The following ACVR1 variants were observed in gnomAD, a reference collection of about 807,000 sequenced individuals.
The protein encoded by ACVR1 is activin A receptor type 1.
A neutral mutation model predicts 57.1 loss-of-function variants in ACVR1; 38 were observed. That is an observed-to-expected ratio of 0.67 (90% CI 0.51 to 0.87). The LOEUF (loss-of-function observed/expected upper bound fraction) is 0.87. Ranked by LOEUF, ACVR1 falls within the 40% of genes least tolerant of loss-of-function variation. The pLI is 0.00. For synonymous variants in ACVR1, 212 were observed against 228.1 expected, an observed-to-expected ratio of 0.93 and a Z score of 0.63; for missense variants, 463 against 638.2, an observed-to-expected ratio of 0.73 and a Z score of 2.96.
At chr2:157,860,617 CT>C (rs1402197856) in intron 1 of ACVR1, among the ~76,000 whole-genome samples, 2 of 152,148 alleles carry the variant, frequency 1.3e-5, no homozygotes, top group African/African-American at 4.8e-5. Flanking sequence ...ATTTGAGGAC[CT>C]TTTTTGGTGA....
At chr2:157,795,858 T>C (rs909328396) in intron 3 of ACVR1, among the ~76,000 whole-genome samples, 1 of 152,080 alleles carries the variant, frequency 6.6e-6, no homozygotes, top group Non-Finnish European at 1.5e-5. Flanking sequence ...CATTTCCACT[T>C]CTTTGTCTCT....
At chr2:157,761,099 T>G (rs370337634) in intron 8 of ACVR1, 22 bp from the exon 9 acceptor site, 1 of 1,611,780 alleles carries the variant, frequency 6.2e-7, no homozygotes, top group South Asian at 1.1e-5. Context: ...AAGATAACAA[T>G]GTAATCAACC....
chr2:157,750,185 G>A (rs1001471887), intron 9 of ACVR1, among the ~76,000 whole-genome samples: 5 of 152,214 alleles, frequency 3.3e-5, no homozygotes, highest in African/African-American at 1.2e-4. Flanking sequence ...AGGCCCAATG[G>A]CTGGCCCATT....
At chr2:157,830,278 A>C (rs1688537237) in intron 1 of ACVR1, among the ~76,000 whole-genome samples, 1 of 152,214 alleles carries the variant, frequency 6.6e-6, no homozygotes, top group Non-Finnish European at 1.5e-5. Context: ...GTACCCTGAT[A>C]ATGGATTCAA....
At chr2:157,789,721 G>C (rs1686838563) in intron 3 of ACVR1, among the ~76,000 whole-genome samples, 1 of 152,228 alleles carries the variant, frequency 6.6e-6, no homozygotes, top group Non-Finnish European at 1.5e-5. Flanking sequence ...TTGTACTTGT[G>C]CCAATATTTG....
intron 2 of ACVR1, among the ~76,000 whole-genome samples, chr2:157,810,796 T>C (rs1257037095): frequency 6.6e-6 from 1 of 152,154 alleles, no homozygotes; most frequent in African/African-American, 2.4e-5. Flanking sequence ...CACCGAACAC[T>C]TTCTAGAACA....
Position 157,737,615 on chromosome 2 carries a change from T to C in ACVR1, c.1446A>G (p.Pro482=), listed in dbSNP as rs1378718953. 2 of 1,614,036 alleles carry C rather than the reference T, an allele frequency of 1.2e-6. No homozygotes were observed. The highest frequency in any genetic ancestry group is 3.3e-5 in the Admixed American group (2 of 60,002). The change falls in exon 11 of 11, where the codon CCA becomes CCG. Residue 482 remains proline (P), a synonymous_variant. Transcript: ENST00000434821. ...TACGCAGTGCTGTGAGTCTTGCGGA[T>C]GGATTTTGATACCAGCATTCTTTCA... ...KLMKECWYQN[P]SARLTALRIK...
intron 1 of ACVR1, among the ~76,000 whole-genome samples, chr2:157,849,103 G>A (rs1689216625): frequency 6.6e-6 from 1 of 152,072 alleles, no homozygotes; most frequent in Non-Finnish European, 1.5e-5. Context: ...CTCTCACCTA[G>A]ACCAGTACTT....
chr2:157,828,224 G>T (rs1332065123), intron 1 of ACVR1, among the ~76,000 whole-genome samples: 1 of 152,136 alleles, frequency 6.6e-6, no homozygotes, highest in Non-Finnish European at 1.5e-5. Flanking sequence ...CAGGCAGGCA[G>T]ATCACCTGAG....
chr2:157,769,465 T>A (rs1025729784), intron 7 of ACVR1, among the ~76,000 whole-genome samples: 22 of 152,014 alleles, frequency 1.4e-4, no homozygotes, highest in African/African-American at 4.8e-4. Context: ...ACTGAAAAAA[T>A]TTTGAGATGG....
At chr2:157,849,497 A>G (rs969316584) in intron 1 of ACVR1, among the ~76,000 whole-genome samples, 1 of 152,212 alleles carries the variant, frequency 6.6e-6, no homozygotes, top group African/African-American at 2.4e-5. Flanking sequence ...GAAAATATCC[A>G]AACACTAGGA....
chr2:157,833,713 C>G (rs1485786334), intron 1 of ACVR1, among the ~76,000 whole-genome samples: 1 of 150,146 alleles, frequency 6.7e-6, no homozygotes, highest in Admixed American at 6.6e-5. Context: ...TTTTTACTTT[C>G]TAAATCCAAG....
intron 9 of ACVR1, 36 bp downstream of exon 9, chr2:157,760,844 G>A: frequency 6.3e-7 from 1 of 1,599,610 alleles, no homozygotes; most frequent in Non-Finnish European, 8.6e-7. Context: ...AAGAGAACTT[G>A]GATTAAGACA....
intron 1 of ACVR1, among the ~76,000 whole-genome samples, chr2:157,851,621 A>C (rs1213828661): frequency 6.6e-6 from 1 of 152,186 alleles, no homozygotes; most frequent in Admixed American, 6.5e-5. Flanking sequence ...GATAAATAGA[A>C]GCTACATTTA....
At chr2:157,769,508 T>G (rs780645704) in intron 7 of ACVR1, among the ~76,000 whole-genome samples, 1 of 152,236 alleles carries the variant, frequency 6.6e-6, no homozygotes, top group Non-Finnish European at 1.5e-5. Flanking sequence ...AGCAAAGCTT[T>G]GAAGCTTTGG....
intron 2 of ACVR1, among the ~76,000 whole-genome samples, chr2:157,817,114 C>A (rs1281024204): frequency 6.6e-6 from 1 of 152,124 alleles, no homozygotes; most frequent in Non-Finnish European, 1.5e-5. Context: ...AACCTGCCAA[C>A]ACACCTGGCT....
rs934382490 is a variant in ACVR1, at chr2:157,766,002, T to A, written c.985A>T (p.Lys329Ter). The A allele has an allele frequency of 6.2e-7, 1 of 1,614,074 alleles. No homozygotes were observed. Among genetic ancestry groups the A allele is most frequent in the Non-Finnish European group, 8.5e-7 (1 of 1,180,006 alleles). ...LHIEIFGTQG[K>*]PAIAHRDLKS... ...AAATCTCGATGGGCAATGGCTGGTT[T>A]CCCTTGGGTCCCAAATATCTCTATG... Residue 329 changes from lysine to a stop codon, truncating the protein, a stop_gained, in exon 8 of 11, where the codon AAA (lysine) becomes TAA (stop). Coordinates refer to ENST00000434821, the MANE Select transcript of ACVR1 (RefSeq NM_001111067.4). LOFTEE classifies it high-confidence loss of function.
chr2:157,737,742 C>G (rs1684590559), intron 10 of ACVR1, 77 bp from the exon 11 acceptor site: 2 of 1,578,358 alleles, frequency 1.3e-6, no homozygotes, highest in Admixed American at 1.7e-5. Flanking sequence ...GATATCATGT[C>G]TACTATTCTG....
At position 157,780,709 on chromosome 2, in the gene ACVR1, T is replaced by C. The variant is rs1686484663; in HGVS notation, c.68-109A>G. The C allele has an allele frequency of 5.2e-6, 7 of 1,356,580 alleles. No individual in the cohort carries two copies. In the South Asian group the frequency reaches 8.0e-5, roughly 16 times the overall value. The allele number at this position is 1,356,580 out of a possible 1,614,324, so 84.0% of individuals were successfully genotyped here. On this transcript the variant is annotated intron_variant, in intron 3 of 10. Coordinates refer to ENST00000434821, the MANE Select transcript of ACVR1 (RefSeq NM_001111067.4). ...TCCAAACACCTCTATCAACAGAAAGTCAAGCTAAGCATCACCATCAACCAT... is the reference window on the plus strand; with the variant it reads ...TCCAAACACCTCTATCAACAGAAAGCCAAGCTAAGCATCACCATCAACCAT...
Sources: gnomAD v4.1 joint callset for allele counts (sites outside exome capture counted in the v4.1 genomes callset) on GRCh38, gnomAD v4.1.1 for gene constraint, MANE v1.5 for transcripts, NCBI Gene and HGNC (gene_info 2026-07-23, HGNC 2026-07-21) for gene names.